Variants in UNC80 observed in about 807,000 individuals in gnomAD.
The protein encoded by UNC80 is protein unc-80 homolog.
Under a neutral mutation model 384.6 loss-of-function variants are expected in UNC80, and 164 were observed. That is an observed-to-expected ratio of 0.43 (90% CI 0.38 to 0.49). The LOEUF is 0.49. Ranked by LOEUF, UNC80 falls within the 20% of genes least tolerant of loss-of-function variation. The pLI, the probability that UNC80 is intolerant of heterozygous loss-of-function variation, is 0.00. For synonymous variants in UNC80, 1,486 were observed against 1,527.8 expected (o/e 0.97, Z 0.64); for missense variants, 3,330 against 4,143.0 (o/e 0.80, Z 5.39).
intron 59 of UNC80, among the ~76,000 whole-genome samples, chr2:209,981,700 G>A (rs1179486405): frequency 6.6e-6 from 1 of 152,170 alleles, no homozygotes; most frequent in Non-Finnish European, 1.5e-5. Flanking sequence ...TAACTTTATA[G>A]CTTTCAAATA....
chr2:209,854,205 T>G lies in UNC80; in HGVS notation c.3627+4582T>G, dbSNP rs1010220382. ...GCATGAAAGAGGAAATATCTTATGA[T>G]TCTCGTTTGAATCATAAGAAAATTA... On this transcript the variant is annotated intron_variant, in intron 22 of 64. Transcript: ENST00000673920. Among the ~76,000 whole-genome samples, 4 of 151,450 alleles carry G rather than the reference T, an allele frequency of 2.6e-5. No individual in the cohort carries two copies. In the East Asian group the frequency reaches 5.8e-4, roughly 22 times the overall value.
chr2:209,989,557 G>A (rs2093354347), intron 61 of UNC80, among the ~76,000 whole-genome samples: 1 of 152,062 alleles, frequency 6.6e-6, no homozygotes, highest in Non-Finnish European at 1.5e-5. Flanking sequence ...TTTCCCTAAA[G>A]GGAAAAATAA....
chr2:209,799,744 C>G (rs1278053891), intron 7 of UNC80, among the ~76,000 whole-genome samples: 1 of 152,126 alleles, frequency 6.6e-6, no homozygotes, highest in South Asian at 2.1e-4. Context: ...AGATATGTTC[C>G]ATCATTACCT....
In UNC80 at chr2:209,998,349, A is replaced by G. The variant is rs1173368010; in HGVS notation, c.*2754A>G. The G allele has an allele frequency of 6.6e-6, 1 of 152,214 alleles. No individual in the cohort carries two copies. The highest frequency in any genetic ancestry group is 1.5e-5 in the Non-Finnish European group (1 of 68,028). The allele number at this position is 152,214 out of a possible 1,614,324, so 9.4% of individuals were successfully genotyped here. ...TTTCTAGAATTCTATTAGATAAGCT[A>G]TGTCATTTTTCTGAAAAAGAAACTG... On this transcript the variant is annotated 3_prime_UTR_variant, in exon 65 of 65. Coordinates refer to ENST00000673920, the MANE Select transcript of UNC80 (RefSeq NM_001371986.1).
Position 209,976,465 on chromosome 2 carries a change from C to T in UNC80, c.8772+162C>T, listed in dbSNP as rs1254839209. Among the ~76,000 whole-genome samples the T allele has an allele frequency of 3.3e-5, 5 of 151,994 alleles. No individual in the cohort carries two copies. Among genetic ancestry groups the T allele is most frequent in the African/African-American group, 4.8e-5 (2 of 41,380 alleles). On this transcript the variant is annotated intron_variant, in intron 57 of 64. Transcript: ENST00000673920. The surrounding 1 kb of genome is among the most constrained non-coding windows in gnomAD (Gnocchi z 4.3). ...TGAGAAAACCGCCCAAAAATATATTCCAGAGGATAAAAATTTCACACTAGA... is the reference window on the plus strand; with the variant it reads ...TGAGAAAACCGCCCAAAAATATATTTCAGAGGATAAAAATTTCACACTAGA...
At chr2:209,910,649 C>CT (rs540625562) in intron 29 of UNC80, among the ~76,000 whole-genome samples, 32,601 of 104,312 alleles carry the variant, frequency 0.31, 5,467 homozygotes, top group East Asian at 0.59. Context: ...AAATGCTCAT[C>CT]TTTTTTTTTT....
chr2:209,822,654 T>C (rs570496236), intron 13 of UNC80, among the ~76,000 whole-genome samples: 2 of 152,328 alleles, frequency 1.3e-5, no homozygotes, highest in African/African-American at 4.8e-5. Context: ...ATGCTAAAGA[T>C]CTCTGAGGTT....
intron 7 of UNC80, among the ~76,000 whole-genome samples, chr2:209,805,331 G>C (rs1329233362): frequency 6.6e-6 from 1 of 152,240 alleles, no homozygotes; most frequent in Non-Finnish European, 1.5e-5. Context: ...TTCAAAATTA[G>C]GGTTTTATCT....
At chr2:209,937,077 G>T in intron 41 of UNC80, 144 bp downstream of exon 41, 1 of 612,642 alleles carries the variant, frequency 1.6e-6, no homozygotes. Flanking sequence ...CTATCAATGG[G>T]GCTTTTGACT....
At chr2:209,914,021 CA>C (rs2089245895) in intron 31 of UNC80, 81 bp downstream of exon 31, 4 of 1,448,256 alleles carry the variant, frequency 2.8e-6, no homozygotes, top group Non-Finnish European at 3.7e-6. Context: ...GAGGTGTTTC[CA>C]TTCTATTTTT....
At chr2:209,783,310 A>G (rs939477567) in intron 4 of UNC80, among the ~76,000 whole-genome samples, 2 of 152,086 alleles carry the variant, frequency 1.3e-5, no homozygotes, top group African/African-American at 4.8e-5. Context: ...GTGTATGTAT[A>G]CATAGCATTG....
intron 42 of UNC80, among the ~76,000 whole-genome samples, chr2:209,939,128 C>G (rs1336940421): frequency 6.6e-6 from 1 of 152,122 alleles, no homozygotes; most frequent in East Asian, 1.9e-4. Context: ...CTCACTGACC[C>G]TGTTAGTGAA....
At chr2:209,812,209 G>C (rs2079408321) in intron 7 of UNC80, among the ~76,000 whole-genome samples, 1 of 150,486 alleles carries the variant, frequency 6.6e-6, no homozygotes, top group African/African-American at 2.5e-5. Flanking sequence ...GCCACCAAGA[G>C]CGGCTAATTT....
chr2:209,951,552 C>T (rs1333017230), intron 47 of UNC80: 1 of 152,256 alleles, frequency 6.6e-6, no homozygotes, highest in Non-Finnish European at 1.5e-5. Context: ...CCGCCTCAGC[C>T]TCCCAAAGTG....
chr2:209,773,483 T>C (rs1247790812), intron 2 of UNC80, among the ~76,000 whole-genome samples: 2 of 152,146 alleles, frequency 1.3e-5, no homozygotes, highest in Non-Finnish European at 2.9e-5. Flanking sequence ...ATAAGGCTTA[T>C]CTACCCATTA....
Position 209,936,914 on chromosome 2 carries a change from A to C in UNC80, c.6344A>C (p.Asn2115Thr). The C allele has an allele frequency of 6.5e-7, 1 of 1,549,696 alleles. No individual in the cohort carries two copies. The highest frequency in any genetic ancestry group is 1.2e-5 in the South Asian group (1 of 84,012). The stretch of plus-strand genomic sequence containing the variant: ...TATTTTCTTATGGATAAACGATGGA[A>C]CCTTATCCACTACAATAAGGTGAGA... ...THYFLMDKRW[N>T]LIHYNKTYVR... The change falls in exon 41 of 65, where the codon AAC (asparagine) becomes ACC (threonine). Residue 2115 changes from asparagine (N) to threonine (T), a missense_variant. Around this residue, in one of 8 missense-constraint regions of UNC80, gnomAD observed 1,049 missense variants for 1,488.6 expected, o/e 0.70. Coordinates refer to ENST00000673920, the MANE Select transcript of UNC80 (RefSeq NM_001371986.1).
intron 24 of UNC80, among the ~76,000 whole-genome samples, chr2:209,879,624 T>A (rs1020885889): frequency 1.3e-5 from 2 of 152,220 alleles, no homozygotes; most frequent in Non-Finnish European, 1.5e-5. Context: ...AATTATTTTT[T>A]AAAAAGTGTT....
In UNC80 at chr2:209,969,870, G is replaced by A; in HGVS notation, c.8109G>A (p.Leu2703=). ...CCTTCCTGCCTCACCTTAGGTCACTGATCAATGTCTGTGTCAATCTGGTGA... is the reference window on the plus strand; with the variant it reads ...CCTTCCTGCCTCACCTTAGGTCACTAATCAATGTCTGTGTCAATCTGGTGA... ...IISFLPHLRS[L]INVCVNLVMG... Residue 2703 remains leucine (L), a synonymous_variant, in exon 53 of 65, where the codon CTG becomes CTA. Coordinates refer to ENST00000673920, the MANE Select transcript of UNC80 (RefSeq NM_001371986.1). The A allele has an allele frequency of 6.4e-7, 1 of 1,551,806 alleles. No individual in the cohort carries two copies. The highest frequency in any genetic ancestry group is 8.7e-7 in the Non-Finnish European group (1 of 1,146,998).
At chr2:209,987,779 G>A (rs1321222314) in intron 61 of UNC80, among the ~76,000 whole-genome samples, 1 of 151,330 alleles carries the variant, frequency 6.6e-6, no homozygotes, top group African/African-American at 2.4e-5. Context: ...TAGGTGAAAA[G>A]AAAGAAAAAT....
Sources: gnomAD v4.1 joint callset for allele counts (sites outside exome capture counted in the v4.1 genomes callset) on GRCh38, gnomAD v4.1.1 for gene constraint, gnomAD v4.1.1 regional missense constraint, Gnocchi (gnomAD v3.1) non-coding constraint, MANE v1.5 for transcripts, NCBI Gene and HGNC (gene_info 2026-07-23, HGNC 2026-07-21) for gene names.